Variants in FIGN observed in about 807,000 individuals in gnomAD.
The protein encoded by FIGN is fidgetin.
FIGN carries 11 observed loss-of-function variants against 51.3 expected under a neutral mutation model. The ratio of observed to expected loss-of-function variants is 0.21; its 90% CI spans 0.13 to 0.35. The LOEUF (loss-of-function observed/expected upper bound fraction) is 0.35, where lower values mean the gene tolerates loss of function less well. Ranked by LOEUF, FIGN falls within the 10% of genes least tolerant of loss-of-function variation. The pLI is 1.00. For synonymous variants in FIGN, 407 were observed against 363.2 expected (o/e 1.12, Z -1.37); for missense variants, 857 against 943.6 (o/e 0.91, Z 1.20).
chr2:163,711,978 C>T (rs1402181518), intron 2 of FIGN, among the ~76,000 whole-genome samples: 1 of 152,078 alleles, frequency 6.6e-6, no homozygotes, highest in Non-Finnish European at 1.5e-5. Flanking sequence ...ATTCCACAGC[C>T]CCCACCCTCT....
At chr2:163,662,128 G>T (rs1683694710) in intron 2 of FIGN, among the ~76,000 whole-genome samples, 1 of 152,158 alleles carries the variant, frequency 6.6e-6, no homozygotes, top group South Asian at 2.1e-4. Flanking sequence ...TGCCCAAAAT[G>T]GTGATATCAA....
chr2:163,712,202 A>G (rs1483216092), intron 2 of FIGN, among the ~76,000 whole-genome samples: 1 of 152,220 alleles, frequency 6.6e-6, no homozygotes, highest in African/African-American at 2.4e-5. Flanking sequence ...ATAACTGCTC[A>G]CTGAATTACC....
At chr2:163,666,946 T>C (rs1391599302) in intron 2 of FIGN, among the ~76,000 whole-genome samples, 1 of 151,922 alleles carries the variant, frequency 6.6e-6, no homozygotes. Flanking sequence ...TATATATTTA[T>C]GTGTGTGTAT....
At chr2:163,713,957 T>C (rs1240971413) in intron 2 of FIGN, among the ~76,000 whole-genome samples, 2 of 152,184 alleles carry the variant, frequency 1.3e-5, no homozygotes, top group Non-Finnish European at 2.9e-5. Flanking sequence ...TCACAAGCTC[T>C]GGTCTTTTCC....
intron 2 of FIGN, among the ~76,000 whole-genome samples, chr2:163,660,490 T>C (rs1683635927): frequency 6.6e-6 from 1 of 151,604 alleles, no homozygotes; most frequent in African/African-American, 2.4e-5. Context: ...ACCTGCAACA[T>C]ACAAAGAGAA....
At chr2:163,669,298 A>G (rs961892525) in intron 2 of FIGN, among the ~76,000 whole-genome samples, 2 of 151,996 alleles carry the variant, frequency 1.3e-5, no homozygotes, top group African/African-American at 4.8e-5. Flanking sequence ...GCAGCCTTCA[A>G]CCTCTCAGGC....
At chr2:163,617,222 C>T (rs1205519863) in intron 2 of FIGN, 19 of 984,700 alleles carry the variant, frequency 1.9e-5, no homozygotes, top group Non-Finnish European at 2.3e-5. Flanking sequence ...GGAAGAAGCA[C>T]TGAAATTACG....
intron 2 of FIGN, among the ~76,000 whole-genome samples, chr2:163,663,780 G>T (rs1683729212): frequency 6.6e-6 from 1 of 151,798 alleles, no homozygotes; most frequent in Admixed American, 6.6e-5. Context: ...TACTCAGGAG[G>T]CTGAGGCAGG....
rs945594963 is a variant in FIGN, at chr2:163,624,711, T to A, written c.26-12905A>T. 5.7e-3 allele frequency among the ~76,000 whole-genome samples: 848 copies of A among 148,014 alleles called. 7 individuals are homozygous for A. Among genetic ancestry groups the A allele is most frequent in the East Asian group, 8.7e-3 (44 of 5,056 alleles). On this transcript the variant is annotated intron_variant, in intron 2 of 2. Transcript: ENST00000333129. ...ACATACATATATATATATATATATT[T>A]TTTTTTTTCCTAGACAAGCTGTCGT...
chr2:163,650,151 A>T (rs996767684), intron 2 of FIGN, among the ~76,000 whole-genome samples: 17 of 152,142 alleles, frequency 1.1e-4, no homozygotes, highest in African/African-American at 4.1e-4. Flanking sequence ...TTAAAAAAAA[A>T]TAGAATAGAT....
intron 2 of FIGN, among the ~76,000 whole-genome samples, chr2:163,638,800 C>G (rs1683264601): frequency 6.6e-6 from 1 of 152,130 alleles, no homozygotes; most frequent in Non-Finnish European, 1.5e-5. Flanking sequence ...GCTTTTATCA[C>G]TACCCAACCT....
chr2:163,662,819 T>G (rs1482701398), intron 2 of FIGN, among the ~76,000 whole-genome samples: 1 of 152,224 alleles, frequency 6.6e-6, no homozygotes, highest in Non-Finnish European at 1.5e-5. Flanking sequence ...GTCTTTGCTG[T>G]GCTATTATTG....
At chr2:163,672,003 GA>G (rs1393433912) in intron 2 of FIGN, among the ~76,000 whole-genome samples, 1 of 152,104 alleles carries the variant, frequency 6.6e-6, no homozygotes, top group Non-Finnish European at 1.5e-5. Flanking sequence ...CAAGGCTCTA[GA>G]AATGCCAGTT....
At position 163,611,734 on chromosome 2, in the gene FIGN, C is replaced by A. The variant is rs765780931; in HGVS notation, c.98G>T (p.Arg33Leu). 1 of 1,614,064 alleles carries A rather than the reference C, an allele frequency of 6.2e-7. No homozygotes were observed. The highest frequency in any genetic ancestry group is 8.5e-7 in the Non-Finnish European group (1 of 1,179,978). The change falls in exon 3 of 3, where the codon CGG (arginine) becomes CTG (leucine). Residue 33 changes from arginine (R) to leucine (L), a missense_variant. Coordinates refer to ENST00000333129, the MANE Select transcript of FIGN (RefSeq NM_018086.4). ...GGCTTCAACTTTGTGGGCAGGAGAC[C>A]GAGTGGTTGAGGTGATGTCAAAGTG... is the stretch of plus-strand genomic sequence containing the variant. ...EQHFDITSTT[R>L]SPAHKVEAYR...
intron 2 of FIGN, among the ~76,000 whole-genome samples, chr2:163,612,009 A>G (rs1308685228): frequency 1.3e-5 from 2 of 152,250 alleles, no homozygotes; most frequent in Non-Finnish European, 2.9e-5. Flanking sequence ...CTGTTTAAAA[A>G]GCACACTGAG....
rs1691005231 is a variant in FIGN, at chr2:163,603,022, T to C, written c.*6530A>G. 2 of 152,080 alleles carry C rather than the reference T, an allele frequency of 1.3e-5. No homozygotes were observed. The highest frequency in any genetic ancestry group is 2.1e-4 in the South Asian group (1 of 4,834). 9.4% of individuals were successfully genotyped at this position (152,080 alleles called of 1,614,324 possible). ...TACACACATATGATCAACCATATAATGATCCCATCAAAATAAAAAAAATCT... is the reference window on the plus strand; with the variant it reads ...TACACACATATGATCAACCATATAACGATCCCATCAAAATAAAAAAAATCT... On this transcript the variant is annotated 3_prime_UTR_variant, in exon 3 of 3. Coordinates refer to ENST00000333129, the MANE Select transcript of FIGN (RefSeq NM_018086.4).
intron 2 of FIGN, among the ~76,000 whole-genome samples, chr2:163,675,362 T>C (rs1683940128): frequency 6.6e-6 from 1 of 152,226 alleles, no homozygotes; most frequent in African/African-American, 2.4e-5. Context: ...ACTGTGGCCC[T>C]AACTACTCAG....
intron 2 of FIGN, among the ~76,000 whole-genome samples, chr2:163,703,801 G>A (rs148381254): frequency 9.9e-5 from 15 of 152,068 alleles, no homozygotes; most frequent in Middle Eastern, 3.4e-3. Context: ...GCTACACATC[G>A]TAACCCCAAA....
chr2:163,652,236 T>C (rs981534213), intron 2 of FIGN, among the ~76,000 whole-genome samples: 2 of 151,918 alleles, frequency 1.3e-5, no homozygotes, highest in African/African-American at 4.8e-5. Context: ...AAATAAAAAA[T>C]AACAGCTTTT....
Sources: allele counts gnomAD v4.1 joint callset (sites outside exome capture counted in the v4.1 genomes callset), GRCh38; gene constraint gnomAD v4.1.1; transcripts MANE v1.5; gene names NCBI Gene and HGNC (gene_info 2026-07-23, HGNC 2026-07-21).